GRIA4: variants seen among roughly 807,000 people sequenced by gnomAD.
GRIA4 encodes glutamate ionotropic receptor AMPA type subunit 4.
In GRIA4, 34 loss-of-function variants were observed where a neutral mutation model predicts 104.0. The observed-to-expected ratio is 0.33, with a 90% CI of 0.25 to 0.44. The LOEUF (loss-of-function observed/expected upper bound fraction) is 0.44, where lower values mean the gene tolerates loss of function less well. Among genes scored for constraint, GRIA4 ranks in the 20% least tolerant of loss-of-function variants. The pLI, the probability that GRIA4 is intolerant of heterozygous loss-of-function variation, is 1.00. For synonymous variants in GRIA4, 386 were observed against 381.9 expected (o/e 1.01, Z -0.13); for missense variants, 750 against 1,096.5 (o/e 0.68, Z 4.46).
chr11:105,837,078 CAA>C (rs5794430), intron 4 of GRIA4, among the ~76,000 whole-genome samples: 48,391 of 151,712 alleles, frequency 0.32, 7,969 homozygotes, highest in South Asian at 0.42. Context: ...TAATGGCGGG[CAA>C]GAGAGAGGAG....
At chr11:105,643,564 T>C (rs1951432202) in intron 3 of GRIA4, among the ~76,000 whole-genome samples, 1 of 152,196 alleles carries the variant, frequency 6.6e-6, no homozygotes, top group Admixed American at 6.5e-5. Flanking sequence ...CTTTCGTTCC[T>C]GGTCTCCTAC....
At position 105,918,827 on chromosome 11, in the gene GRIA4, A is replaced by G. The variant is rs775109537; in HGVS notation, c.1385A>G (p.Tyr462Cys). 1 of 1,606,990 alleles carries G rather than the reference A, an allele frequency of 6.2e-7. No individual in the cohort carries two copies. The highest frequency in any genetic ancestry group is 8.5e-7 in the Non-Finnish European group (1 of 1,173,756). The change falls in exon 11 of 17, where the codon TAT becomes TGT. Residue 462 changes from tyrosine (Y) to cysteine (C), a missense_variant. By Grantham distance (194) the Tyr-to-Cys change is radical. Transcript: ENST00000282499. The stretch of plus-strand genomic sequence containing the variant: ...ATTGCAAAACATATTGGTATCAAGT[A>G]TAAAATTGCCATTGTCCCTGATGGA... ...SEIAKHIGIKYKIAIVPDGKY... is the reference protein window; with the variant it reads ...SEIAKHIGIKCKIAIVPDGKY...
chr11:105,798,377 T>C (rs1322452509), intron 4 of GRIA4, among the ~76,000 whole-genome samples: 1 of 152,060 alleles, frequency 6.6e-6, no homozygotes, highest in Non-Finnish European at 1.5e-5. Context: ...GCTGATACCC[T>C]GAGTGAGCAA....
At chr11:105,734,031 T>C (rs1032106514) in intron 3 of GRIA4, among the ~76,000 whole-genome samples, 2 of 147,048 alleles carry the variant, frequency 1.4e-5, no homozygotes, top group South Asian at 4.2e-4. Context: ...AATTCATATA[T>C]ATGTATATTA....
chr11:105,896,984 G>C (rs889980418), intron 6 of GRIA4, among the ~76,000 whole-genome samples: 1 of 152,100 alleles, frequency 6.6e-6, no homozygotes, highest in South Asian at 2.1e-4. Flanking sequence ...CATTGAATCT[G>C]TAGATTGTTT....
Position 105,727,221 on chromosome 11 carries a change from C to T in GRIA4, c.248-25760C>T, listed in dbSNP as rs907577854. Among the ~76,000 whole-genome samples, 7 of 151,744 alleles carry T rather than the reference C, an allele frequency of 4.6e-5. No individual in the cohort carries two copies. In the East Asian group the frequency reaches 5.9e-4, roughly 13 times the overall value. ...CCTGATGGAGCTGAAAAACACAGCACAAGAACTTCATGAAGCATACACAGG... is the reference window on the plus strand; with the variant it reads ...CCTGATGGAGCTGAAAAACACAGCATAAGAACTTCATGAAGCATACACAGG... On this transcript the variant is annotated intron_variant, in intron 3 of 16. Transcript: ENST00000282499.
intron 3 of GRIA4, among the ~76,000 whole-genome samples, chr11:105,679,748 T>G (rs1245004643): frequency 1.3e-5 from 2 of 152,130 alleles, no homozygotes; most frequent in Non-Finnish European, 2.9e-5. Context: ...AAGGAAGAAC[T>G]GCTCATGACA....
At chr11:105,623,461 G>T (rs543510509) in intron 3 of GRIA4, among the ~76,000 whole-genome samples, 5 of 151,782 alleles carry the variant, frequency 3.3e-5, no homozygotes, top group African/African-American at 1.2e-4. Context: ...ACTTTTCATT[G>T]CTTTAGAATA....
chr11:105,980,254 C>T lies in GRIA4; in HGVS notation c.*515C>T, dbSNP rs1859204499. 9.0e-6 allele frequency: 1 copy of T among 111,308 alleles called. No individual in the cohort carries two copies. The highest frequency in any genetic ancestry group is 3.3e-4 in the South Asian group (1 of 3,040). The allele number at this position is 111,308 out of a possible 1,614,324, so 6.9% of individuals were successfully genotyped here. On this transcript the variant is annotated 3_prime_UTR_variant, in exon 17 of 17. Transcript: ENST00000282499. Reference sequence around the variant, plus strand: ...GAAAATAATGAACAAACATGTAAAACCTGTGGGAAAAAAAAATAAAGGAAG... The same window carrying T: ...GAAAATAATGAACAAACATGTAAAATCTGTGGGAAAAAAAAATAAAGGAAG...
At chr11:105,936,690 C>T (rs574512935) in intron 14 of GRIA4, among the ~76,000 whole-genome samples, 27 of 152,156 alleles carry the variant, frequency 1.8e-4, no homozygotes, top group African/African-American at 5.1e-4. Flanking sequence ...GGAGAGAGTA[C>T]GATATATAAC....
At chr11:105,610,857 TTTTC>T (rs1405764811) in intron 1 of GRIA4, 47 bp from the exon 2 acceptor site, 12 of 556,942 alleles carry the variant, frequency 2.2e-5, no homozygotes, top group Middle Eastern at 4.3e-4. Context: ...TTTTTCTTTC[TTTTC>T]TTTCTTTTCT....
chr11:105,833,024 A>C (rs1446239051), intron 4 of GRIA4, among the ~76,000 whole-genome samples: 1 of 151,858 alleles, frequency 6.6e-6, no homozygotes, highest in Non-Finnish European at 1.5e-5. Flanking sequence ...CTTTTTTTAT[A>C]ATTTATCATT....
chr11:105,675,016 G>A (rs1952490746), intron 3 of GRIA4, among the ~76,000 whole-genome samples: 1 of 151,786 alleles, frequency 6.6e-6, no homozygotes, highest in Non-Finnish European at 1.5e-5. Flanking sequence ...CATTTTTTAA[G>A]TACTAAGAGA....
intron 13 of GRIA4, among the ~76,000 whole-genome samples, chr11:105,931,627 C>A (rs1947878200): frequency 6.6e-6 from 1 of 151,960 alleles, no homozygotes; most frequent in African/African-American, 2.4e-5. Flanking sequence ...ATTGCTTGAA[C>A]CTGGGAGGCA....
intron 10 of GRIA4, chr11:105,912,940 T>C (rs1462231673): frequency 3.1e-6 from 3 of 978,102 alleles, no homozygotes; most frequent in Non-Finnish European, 3.6e-6. Context: ...GTGATACCTA[T>C]ATCTAGATAT....
intron 3 of GRIA4, among the ~76,000 whole-genome samples, chr11:105,671,577 C>T: frequency 7.1e-6 from 1 of 139,926 alleles, no homozygotes; most frequent in East Asian, 2.3e-4. Context: ...ACTTGGGAGG[C>T]TGAGGCAGGA....
intron 4 of GRIA4, among the ~76,000 whole-genome samples, chr11:105,804,866 G>C (rs897214012): frequency 3.3e-5 from 5 of 151,852 alleles, no homozygotes; most frequent in African/African-American, 9.7e-5. Context: ...TCAATTAAAT[G>C]ACTGGAACAC....
At chr11:105,624,219 T>C (rs745499981) in intron 3 of GRIA4, among the ~76,000 whole-genome samples, 4 of 152,166 alleles carry the variant, frequency 2.6e-5, no homozygotes, top group Non-Finnish European at 4.4e-5. Context: ...TTGACGTACA[T>C]TGTGCTGATC....
intron 4 of GRIA4, among the ~76,000 whole-genome samples, chr11:105,765,626 A>T (rs1452838764): frequency 6.6e-6 from 1 of 152,184 alleles, no homozygotes; most frequent in Non-Finnish European, 1.5e-5. Context: ...TTCATTCCAA[A>T]CCTTTAAAAC....
Sources: allele counts gnomAD v4.1 joint callset (sites outside exome capture counted in the v4.1 genomes callset), GRCh38; gene constraint gnomAD v4.1.1; transcripts MANE v1.5; gene names NCBI Gene and HGNC (gene_info 2026-07-23, HGNC 2026-07-21).